AFF2: variants seen among roughly 807,000 people sequenced by gnomAD.
AFF2 encodes the protein AF4/FMR2 family member 2.
In AFF2, 14 loss-of-function variants were observed where a neutral mutation model predicts 76.9. The observed-to-expected ratio is 0.18, with a 90% CI of 0.12 to 0.28. AFF2 has a LOEUF of 0.28. Ranked by LOEUF, AFF2 falls within the 10% of genes least tolerant of loss-of-function variation. The probability of loss-of-function intolerance (pLI) is 1.00; values close to 1 mark genes in which losing one functional copy is unlikely to be tolerated. For missense variants in AFF2, 868 were observed against 1,001.1 expected, an observed-to-expected ratio of 0.87 and a Z score of 1.79; for synonymous variants, 398 against 366.7, an observed-to-expected ratio of 1.09 and a Z score of -0.98.
At chrX:148,764,181 A>G (rs1875479763) in intron 3 of AFF2, among the ~76,000 whole-genome samples, 1 of 112,221 alleles carries the variant, frequency 8.9e-6, no homozygotes, top group African/African-American at 3.2e-5. Context: ...AATAGAATAT[A>G]TAATTAGAAC....
At position 148,553,462 on chromosome X, in the gene AFF2, T is replaced by A. The variant is rs893210070; in HGVS notation, c.47+52318T>A. 3.6e-5 allele frequency among the ~76,000 whole-genome samples: 4 copies of A among 112,197 alleles called. No homozygotes were observed. In the East Asian group the frequency reaches 1.1e-3, roughly 31 times the overall value. Reference sequence around the variant, plus strand: ...TCTTTGTTACAAGCATATTTTATAGTTACAACACATTTCATTCAGATGCCA... The same window carrying A: ...TCTTTGTTACAAGCATATTTTATAGATACAACACATTTCATTCAGATGCCA... On this transcript the variant is annotated intron_variant, in intron 1 of 20. Coordinates refer to ENST00000370460, the MANE Select transcript of AFF2 (RefSeq NM_002025.4).
intron 3 of AFF2, among the ~76,000 whole-genome samples, chrX:148,697,233 C>A (rs781934089): frequency 8.9e-5 from 10 of 111,968 alleles, no homozygotes; most frequent in Non-Finnish European, 1.7e-4. Flanking sequence ...AAGGCCTTGG[C>A]CTTGAGTTAA....
chrX:148,768,029 G>A (rs782002666), intron 3 of AFF2, among the ~76,000 whole-genome samples: 3 of 107,576 alleles, frequency 2.8e-5, no homozygotes, highest in East Asian at 3.0e-4. Flanking sequence ...GCCTACTGCC[G>A]CCTTATGCCT....
intron 1 of AFF2, among the ~76,000 whole-genome samples, chrX:148,578,163 G>A (rs2053313452): frequency 9.0e-6 from 1 of 111,717 alleles, no homozygotes; most frequent in Admixed American, 9.5e-5. Context: ...TGTGCTTTTA[G>A]GTTTTGGAAA....
At chrX:148,959,231 C>G (rs1217645016) in intron 12 of AFF2, among the ~76,000 whole-genome samples, 1 of 111,822 alleles carries the variant, frequency 8.9e-6, no homozygotes, top group Non-Finnish European at 1.9e-5. Context: ...TCTGTTTCTG[C>G]CAAGCATTGT....
chrX:148,956,303 G>C lies in AFF2; in HGVS notation c.2258G>C (p.Ser753Thr), dbSNP rs782294038. 1 of 1,211,902 alleles carries C rather than the reference G, an allele frequency of 8.3e-7. No individual in the cohort carries two copies. Among genetic ancestry groups the C allele is most frequent in the Non-Finnish European group, 1.1e-6 (1 of 895,535 alleles). ...AAATCCAAGGAAATCTGTGGTGCCAGCCTGACCCTCAGCACCTTAATGAGT... is the reference window on the plus strand; with the variant it reads ...AAATCCAAGGAAATCTGTGGTGCCACCCTGACCCTCAGCACCTTAATGAGT... ...TAKSKEICGA[S>T]LTLSTLMSSS... The change falls in exon 11 of 21, where the codon AGC becomes ACC. Residue 753 changes from serine (S) to threonine (T), a missense_variant. Ser to Thr is a moderately conservative substitution (Grantham distance 58, BLOSUM62 1). Coordinates refer to ENST00000370460, the MANE Select transcript of AFF2 (RefSeq NM_002025.4).
At chrX:148,614,613 C>T (rs2053765361) in intron 1 of AFF2, among the ~76,000 whole-genome samples, 1 of 106,293 alleles carries the variant, frequency 9.4e-6, no homozygotes, top group Non-Finnish European at 1.9e-5. Context: ...CTTTCTTTTC[C>T]TTCCTTCCTT....
chrX:148,774,371 A>G, intron 3 of AFF2, among the ~76,000 whole-genome samples: 1 of 111,883 alleles, frequency 8.9e-6, no homozygotes, highest in Non-Finnish European at 1.9e-5. Context: ...TCCTCCTTGT[A>G]TGAGCACAGA....
chrX:148,516,080 C>A (rs910720151), intron 1 of AFF2, among the ~76,000 whole-genome samples: 33 of 111,497 alleles, frequency 3.0e-4, no homozygotes, highest in African/African-American at 1.0e-3. Flanking sequence ...ACAAAATAGT[C>A]TAAGCTCTTC....
At chrX:148,536,253 C>T (rs1290690252) in intron 1 of AFF2, among the ~76,000 whole-genome samples, 1 of 110,205 alleles carries the variant, frequency 9.1e-6, no homozygotes, top group African/African-American at 3.3e-5. Flanking sequence ...AGACCCTAAA[C>T]CATATCACTT....
At chrX:148,975,943 C>CAAAAA (rs59057839) in intron 16 of AFF2, among the ~76,000 whole-genome samples, 556 of 22,679 alleles carry the variant, frequency 0.025, 25 homozygotes, top group African/African-American at 0.05. Flanking sequence ...GACTCCGTCT[C>CAAAAA]AAAAAAAAAA....
chrX:148,503,160 G>GT (rs782735613), intron 1 of AFF2, among the ~76,000 whole-genome samples: 1 of 112,000 alleles, frequency 8.9e-6, no homozygotes, highest in African/African-American at 3.2e-5. Context: ...CTTACTGCTC[G>GT]TGAGTGGCAC....
At chrX:148,915,192 C>A (rs2124243904) in intron 9 of AFF2, among the ~76,000 whole-genome samples, 1 of 112,504 alleles carries the variant, frequency 8.9e-6, no homozygotes, top group East Asian at 2.8e-4. Flanking sequence ...AAAAGTAAAT[C>A]ATTCTTCCAC....
At chrX:148,869,939 C>T (rs188995480) in intron 7 of AFF2, among the ~76,000 whole-genome samples, 7 of 111,223 alleles carry the variant, frequency 6.3e-5, no homozygotes, top group Admixed American at 1.9e-4. Context: ...TAGGGATCAC[C>T]GTAAGGACCT....
chrX:148,809,779 T>C, intron 3 of AFF2, 97 bp from the exon 4 acceptor site: 1 of 854,051 alleles, frequency 1.2e-6, no homozygotes, highest in Non-Finnish European at 1.7e-6. Context: ...AAATGATAGC[T>C]AGATTTTCTT....
At chrX:148,679,056 A>T (rs1409243007) in intron 3 of AFF2, among the ~76,000 whole-genome samples, 1 of 110,342 alleles carries the variant, frequency 9.1e-6, no homozygotes, top group African/African-American at 3.3e-5. Flanking sequence ...ATTAAAATAC[A>T]TACTGGATTG....
chrX:148,886,982 G>A (rs1557279159), intron 8 of AFF2, among the ~76,000 whole-genome samples: 1 of 112,701 alleles, frequency 8.9e-6, no homozygotes, highest in African/African-American at 3.2e-5. Flanking sequence ...CTCATCTACA[G>A]CTGTTTACCA....
intron 9 of AFF2, among the ~76,000 whole-genome samples, chrX:148,913,892 T>A (rs979634141): frequency 1.8e-5 from 2 of 111,906 alleles, no homozygotes; most frequent in South Asian, 7.5e-4. Flanking sequence ...AAATGTAGAG[T>A]CACATAGCTA....
At chrX:148,833,749 A>C (rs1467120580) in intron 4 of AFF2, among the ~76,000 whole-genome samples, 1 of 112,190 alleles carries the variant, frequency 8.9e-6, no homozygotes, top group Non-Finnish European at 1.9e-5. Flanking sequence ...TGTGAGGCTA[A>C]TCCCTGCCTG....
Sources: allele counts gnomAD v4.1 joint callset (sites outside exome capture counted in the v4.1 genomes callset), GRCh38; gene constraint gnomAD v4.1.1; transcripts MANE v1.5; gene names NCBI Gene and HGNC (gene_info 2026-07-23, HGNC 2026-07-21).